Variants in MAML3 observed in about 807,000 individuals in gnomAD.
MAML3 encodes mastermind like transcriptional coactivator 3, also known as mastermind-like protein 3.
In MAML3, 27 loss-of-function variants were observed where a neutral mutation model predicts 101.9. The ratio of observed to expected loss-of-function variants is 0.27; its 90% CI spans 0.20 to 0.37. The LOEUF (loss-of-function observed/expected upper bound fraction) is 0.37. Among genes scored for constraint, MAML3 ranks in the 10% least tolerant of loss-of-function variants. MAML3 has a pLI of 1.00. For missense variants in MAML3, 1,316 were observed against 1,444.9 expected, an observed-to-expected ratio of 0.91 and a Z score of 1.45; for synonymous variants, 501 against 555.9, an observed-to-expected ratio of 0.90 and a Z score of 1.39.
intron 1 of MAML3, among the ~76,000 whole-genome samples, chr4:139,925,828 T>C (rs1733215575): frequency 6.6e-6 from 1 of 152,170 alleles, no homozygotes; most frequent in South Asian, 2.1e-4. Flanking sequence ...ACTGGTTCAC[T>C]AGAAAAGAAG....
At chr4:139,798,402 C>T (rs2111099697) in intron 2 of MAML3, among the ~76,000 whole-genome samples, 1 of 152,324 alleles carries the variant, frequency 6.6e-6, no homozygotes, top group African/African-American at 2.4e-5. Flanking sequence ...GACATTCTAT[C>T]CATAATCCTA....
intron 1 of MAML3, among the ~76,000 whole-genome samples, chr4:140,136,743 C>T (rs1396607489): frequency 6.6e-6 from 1 of 152,136 alleles, no homozygotes; most frequent in Non-Finnish European, 1.5e-5. Flanking sequence ...AGGTCACTTC[C>T]CCAAATGTAT....
At chr4:140,011,024 G>A (rs970829299) in intron 1 of MAML3, among the ~76,000 whole-genome samples, 5 of 150,624 alleles carry the variant, frequency 3.3e-5, no homozygotes, top group African/African-American at 1.2e-4. Flanking sequence ...TTGAACCCAG[G>A]AGGCGGAGGT....
At chr4:139,983,815 G>A (rs1734487057) in intron 1 of MAML3, among the ~76,000 whole-genome samples, 1 of 152,176 alleles carries the variant, frequency 6.6e-6, no homozygotes, top group Non-Finnish European at 1.5e-5. Context: ...GGGCAGTGGA[G>A]TATCACTTGA....
At chr4:139,971,456 A>G (rs1338654804) in intron 1 of MAML3, among the ~76,000 whole-genome samples, 3 of 152,222 alleles carry the variant, frequency 2.0e-5, no homozygotes, top group Non-Finnish European at 4.4e-5. Context: ...ACCTTAGAGA[A>G]TAAACCCTCA....
intron 1 of MAML3, among the ~76,000 whole-genome samples, chr4:140,083,724 T>C (rs1381037573): frequency 1.3e-5 from 2 of 152,220 alleles, no homozygotes; most frequent in East Asian, 1.9e-4. Flanking sequence ...ACTAGGCCAA[T>C]TGATGTTTTG....
intron 2 of MAML3, among the ~76,000 whole-genome samples, chr4:139,772,404 C>T (rs1289827459): frequency 1.3e-5 from 2 of 151,350 alleles, no homozygotes; most frequent in African/African-American, 4.8e-5. Context: ...TGCAGTGGCG[C>T]GATCTCGGCT....
chr4:139,852,354 T>C (rs1341869517), intron 2 of MAML3, among the ~76,000 whole-genome samples: 2 of 151,726 alleles, frequency 1.3e-5, no homozygotes, highest in South Asian at 4.2e-4. Context: ...GTGAAACCTA[T>C]TGTCGGTAAC....
chr4:140,035,440 A>G (rs998536528), intron 1 of MAML3, among the ~76,000 whole-genome samples: 1 of 152,180 alleles, frequency 6.6e-6, no homozygotes, highest in Admixed American at 6.5e-5. Flanking sequence ...TTAATAACAT[A>G]TAGCTTTTAA....
At chr4:140,105,327 C>T (rs192516703) in intron 1 of MAML3, among the ~76,000 whole-genome samples, 27 of 152,322 alleles carry the variant, frequency 1.8e-4, no homozygotes, top group Middle Eastern at 3.4e-3. Context: ...ATTTACCCAG[C>T]GGTGAATCCA....
intron 1 of MAML3, among the ~76,000 whole-genome samples, chr4:140,091,998 TGG>T (rs1728060274): frequency 1.3e-5 from 2 of 151,036 alleles, no homozygotes; most frequent in Non-Finnish European, 2.9e-5. Flanking sequence ...CAAAAAGCAG[TGG>T]GGTATCATCT....
At chr4:139,923,686 A>T (rs1350443821) in intron 1 of MAML3, among the ~76,000 whole-genome samples, 1 of 151,844 alleles carries the variant, frequency 6.6e-6, no homozygotes, top group Non-Finnish European at 1.5e-5. Context: ...AAGACTTTAA[A>T]CCTCTGTGAT....
intron 1 of MAML3, among the ~76,000 whole-genome samples, chr4:140,077,392 G>A (rs993313593): frequency 6.6e-5 from 10 of 152,202 alleles, no homozygotes; most frequent in Middle Eastern, 3.4e-3. Flanking sequence ...TTGCAGCCCC[G>A]CATCAAAGGC....
intron 1 of MAML3, among the ~76,000 whole-genome samples, chr4:139,975,216 C>T (rs891612133): frequency 6.6e-6 from 1 of 152,136 alleles, no homozygotes; most frequent in African/African-American, 2.4e-5. Flanking sequence ...GTCCTCCTCT[C>T]CCACACCAGC....
intron 2 of MAML3, among the ~76,000 whole-genome samples, chr4:139,765,781 G>C (rs1729844221): frequency 6.6e-6 from 1 of 152,022 alleles, no homozygotes; most frequent in South Asian, 2.1e-4. Context: ...CCAGGAGTTC[G>C]AGACCATCCT....
chr4:139,970,802 C>G (rs1236954473), intron 1 of MAML3, among the ~76,000 whole-genome samples: 1 of 152,106 alleles, frequency 6.6e-6, no homozygotes, highest in East Asian at 1.9e-4. Flanking sequence ...GTCTTCTTAC[C>G]ATTAAAAGTG....
chr4:139,990,159 G>C (rs888750849), intron 1 of MAML3, among the ~76,000 whole-genome samples: 1 of 152,064 alleles, frequency 6.6e-6, no homozygotes, highest in African/African-American at 2.4e-5. Context: ...TCACTATAGA[G>C]AAATCTTTAC....
chr4:139,778,994 A>AAAAG (rs1553956049), intron 2 of MAML3, among the ~76,000 whole-genome samples: 1 of 151,796 alleles, frequency 6.6e-6, no homozygotes, highest in Non-Finnish European at 1.5e-5. Flanking sequence ...AAAAAAAAAA[A>AAAAG]AAAAAGAAAA....
intron 2 of MAML3, among the ~76,000 whole-genome samples, chr4:139,883,622 T>C (rs748174591): frequency 2.0e-5 from 3 of 152,010 alleles, no homozygotes; most frequent in Non-Finnish European, 4.4e-5. Context: ...TTCTGTAGAA[T>C]TGAGTAACTG....
Sources: allele counts gnomAD v4.1 joint callset (sites outside exome capture counted in the v4.1 genomes callset), GRCh38; gene constraint gnomAD v4.1.1; transcripts MANE v1.5; gene names NCBI Gene and HGNC (gene_info 2026-07-23, HGNC 2026-07-21).